The following GRM3 variants were observed in gnomAD, a reference collection of about 807,000 sequenced individuals.
The protein encoded by GRM3 is metabotropic glutamate receptor 3.
In GRM3, 26 loss-of-function variants were observed where a neutral mutation model predicts 70.5. The ratio of observed to expected loss-of-function variants is 0.37; its 90% CI spans 0.27 to 0.51. The LOEUF (loss-of-function observed/expected upper bound fraction) is 0.51, where lower values mean the gene tolerates loss of function less well. Among genes scored for constraint, GRM3 ranks in the 20% least tolerant of loss-of-function variants. The probability of loss-of-function intolerance (pLI) is 0.93; values close to 1 mark genes in which losing one functional copy is unlikely to be tolerated. For synonymous variants in GRM3, 443 were observed against 434.9 expected, an observed-to-expected ratio of 1.02 and a Z score of -0.23; for missense variants, 859 against 1,123.8, an observed-to-expected ratio of 0.76 and a Z score of 3.37.
intron 4 of GRM3, among the ~76,000 whole-genome samples, chr7:86,842,736 A>G (rs1303724845): frequency 6.6e-6 from 1 of 152,214 alleles, no homozygotes; most frequent in Non-Finnish European, 1.5e-5. Context: ...CACAAAGTTT[A>G]TATCTCAGCT....
chr7:86,796,002 C>T (rs1797540310), intron 3 of GRM3, among the ~76,000 whole-genome samples: 1 of 152,110 alleles, frequency 6.6e-6, no homozygotes, highest in African/African-American at 2.4e-5. Context: ...AAATTTTCTC[C>T]CGTTCCGTAG....
At chr7:86,674,618 T>C (rs1430299132) in intron 1 of GRM3, among the ~76,000 whole-genome samples, 2 of 152,156 alleles carry the variant, frequency 1.3e-5, no homozygotes, top group African/African-American at 4.8e-5. Context: ...TCATATCACT[T>C]AATGAACACC....
chr7:86,862,609 A>G (rs944503082), intron 5 of GRM3, among the ~76,000 whole-genome samples: 1 of 152,114 alleles, frequency 6.6e-6, no homozygotes, highest in African/African-American at 2.4e-5. Context: ...AAAATCTCCA[A>G]AAGAGTTAGC....
At chr7:86,734,363 A>G (rs1795808112) in intron 1 of GRM3, among the ~76,000 whole-genome samples, 1 of 152,140 alleles carries the variant, frequency 6.6e-6, no homozygotes, top group Non-Finnish European at 1.5e-5. Context: ...GTATTAGGCA[A>G]CACTCAGTCT....
At chr7:86,678,204 G>A (rs1794353057) in intron 1 of GRM3, among the ~76,000 whole-genome samples, 1 of 151,754 alleles carries the variant, frequency 6.6e-6, no homozygotes, top group Non-Finnish European at 1.5e-5. Context: ...TCTGATATCT[G>A]GTTTTCAAAT....
At chr7:86,744,693 C>G (rs1389991632) in intron 1 of GRM3, among the ~76,000 whole-genome samples, 2 of 152,064 alleles carry the variant, frequency 1.3e-5, no homozygotes, top group African/African-American at 4.8e-5. Flanking sequence ...TGTCAGCATT[C>G]TGATGCATGA....
At chr7:86,814,715 G>T (rs1450286106) in intron 3 of GRM3, among the ~76,000 whole-genome samples, 1 of 151,370 alleles carries the variant, frequency 6.6e-6, no homozygotes, top group Non-Finnish European at 1.5e-5. Flanking sequence ...ATAGCTAGTA[G>T]CCCTGAGGGT....
intron 1 of GRM3, among the ~76,000 whole-genome samples, chr7:86,743,236 T>G (rs1456274311): frequency 6.6e-6 from 1 of 152,144 alleles, no homozygotes; most frequent in Non-Finnish European, 1.5e-5. Context: ...AAGCAACAGT[T>G]AAGATTCAGA....
At chr7:86,671,415 C>A (rs1584153353) in intron 1 of GRM3, among the ~76,000 whole-genome samples, 1 of 152,192 alleles carries the variant, frequency 6.6e-6, no homozygotes, top group African/African-American at 2.4e-5. Context: ...GTTAGCACAT[C>A]TAGCACATAG....
rs770542885 is a variant in GRM3 at position 86,786,449 on chromosome 7, G to C, written c.657G>C (p.Glu219Asp). ...CCTACGTGTCCACAGTAGCCTCCGA[G>C]GGTGATTACGGGGAGACAGGGATCG... Reference protein sequence around the residue: ...NWTYVSTVASEGDYGETGIEA... With the variant: ...NWTYVSTVASDGDYGETGIEA... Residue 219 changes from glutamate (E) to aspartate (D), a missense_variant, in exon 3 of 6, where the codon GAG becomes GAC. By Grantham distance (45) the Glu-to-Asp change is conservative. Coordinates refer to ENST00000361669, the MANE Select transcript of GRM3 (RefSeq NM_000840.3). This position sits in a 1 kb window ranked among gnomAD's most constrained non-coding sequence, Gnocchi z 6.0. The C allele has an allele frequency of 6.2e-7, 1 of 1,614,246 alleles. No individual in the cohort carries two copies. The highest frequency in any genetic ancestry group is 1.1e-5 in the South Asian group (1 of 91,080).
intron 2 of GRM3, among the ~76,000 whole-genome samples, chr7:86,774,536 A>G (rs1192597415): frequency 1.3e-5 from 2 of 152,126 alleles, no homozygotes; most frequent in Non-Finnish European, 2.9e-5. Context: ...TCACATTCCA[A>G]TAAAGCGAAC....
chr7:86,829,280 C>T (rs749438507), intron 3 of GRM3, among the ~76,000 whole-genome samples: 6 of 152,192 alleles, frequency 3.9e-5, no homozygotes, highest in South Asian at 2.1e-4. Context: ...GGGAATCTTG[C>T]GTCTGATTTG....
chr7:86,781,607 T>C (rs1484106652), intron 2 of GRM3, among the ~76,000 whole-genome samples: 1 of 152,158 alleles, frequency 6.6e-6, no homozygotes, highest in African/African-American at 2.4e-5. Context: ...TTTCTGCCTA[T>C]TAGTTGTCTA....
intron 4 of GRM3, among the ~76,000 whole-genome samples, chr7:86,840,950 T>G (rs1798547450): frequency 6.6e-6 from 1 of 152,134 alleles, no homozygotes; most frequent in African/African-American, 2.4e-5. Flanking sequence ...GGAAGAATAA[T>G]TCAAGAGGTC....
chr7:86,826,527 C>T (rs898646848), intron 3 of GRM3, among the ~76,000 whole-genome samples: 18 of 151,910 alleles, frequency 1.2e-4, no homozygotes, highest in East Asian at 5.8e-4. Flanking sequence ...GGCTGATGAA[C>T]GGGGAAAGGA....
intron 3 of GRM3, among the ~76,000 whole-genome samples, chr7:86,835,309 AT>A (rs771818380): frequency 6.6e-6 from 1 of 152,134 alleles, no homozygotes; most frequent in African/African-American, 2.4e-5. Context: ...GAGAAAAAAA[AT>A]GAATTGAAAT....
chr7:86,662,526 A>G (rs1203359105), intron 1 of GRM3, among the ~76,000 whole-genome samples: 1 of 151,954 alleles, frequency 6.6e-6, no homozygotes, highest in Non-Finnish European at 1.5e-5. Flanking sequence ...TTGCCTTTGT[A>G]TCACCAAGAG....
intron 3 of GRM3, among the ~76,000 whole-genome samples, chr7:86,796,763 C>G (rs138782969): frequency 6.6e-6 from 1 of 151,996 alleles, no homozygotes; most frequent in Admixed American, 6.6e-5. Flanking sequence ...TTCTCTGATA[C>G]GGTTTGGCTG....
intron 3 of GRM3, among the ~76,000 whole-genome samples, chr7:86,828,111 C>CAAAAAA (rs55645713): frequency 1.5e-5 from 1 of 68,304 alleles, no homozygotes; most frequent in Non-Finnish European, 2.7e-5. Context: ...AACTCCGTAT[C>CAAAAAA]AAAAAAAAAA....
Sources: gnomAD v4.1 joint callset for allele counts (sites outside exome capture counted in the v4.1 genomes callset) on GRCh38, gnomAD v4.1.1 for gene constraint, Gnocchi (gnomAD v3.1) non-coding constraint, MANE v1.5 for transcripts, NCBI Gene and HGNC (gene_info 2026-07-23, HGNC 2026-07-21) for gene names.